The following FGFR2 variants were observed in gnomAD, a reference collection of about 807,000 sequenced individuals.
FGFR2 encodes the protein fibroblast growth factor receptor 2.
In FGFR2, 19 loss-of-function variants were observed where a neutral mutation model predicts 95.9. The ratio of observed to expected loss-of-function variants is 0.20; its 90% CI spans 0.14 to 0.29. The LOEUF is 0.29. Among genes scored for constraint, FGFR2 ranks in the 10% least tolerant of loss-of-function variants. The pLI, the probability that FGFR2 is intolerant of heterozygous loss-of-function variation, is 1.00. For synonymous variants in FGFR2, 392 were observed against 393.3 expected, an observed-to-expected ratio of 1.00 and a Z score of 0.04; for missense variants, 707 against 1,056.9, an observed-to-expected ratio of 0.67 and a Z score of 4.59.
chr10:121,583,970 A>G (rs997421586), intron 2 of FGFR2, among the ~76,000 whole-genome samples: 2 of 152,032 alleles, frequency 1.3e-5, no homozygotes, highest in African/African-American at 4.8e-5. Context: ...ATGTTAAAGT[A>G]CCTAGCACAG....
In FGFR2 at chr10:121,596,658, AAC is replaced by A. The variant is rs547686207; in HGVS notation, c.-151+1302_-151+1303del. On this transcript the variant is annotated intron_variant, in intron 1 of 17. Coordinates refer to ENST00000358487, the MANE Select transcript of FGFR2 (RefSeq NM_000141.5). Reference sequence around the variant, plus strand: ...TCCTCAACAAATTGAAATCTCAAAAAACACACACTGACCCAGGACCACAAAGC... The same window carrying A: ...TCCTCAACAAATTGAAATCTCAAAAAACACACTGACCCAGGACCACAAAGC... 2.1e-4 allele frequency: 42 copies of A among 204,580 alleles called. 1 individual carries two copies. In the South Asian group the frequency reaches 7.3e-3, roughly 35 times the overall value. The allele number at this position is 204,580 out of a possible 1,614,324, so 12.7% of individuals were successfully genotyped here.
chr10:121,575,131 T>C (rs1245985609), intron 2 of FGFR2, among the ~76,000 whole-genome samples: 1 of 152,220 alleles, frequency 6.6e-6, no homozygotes, highest in African/African-American at 2.4e-5. Context: ...AAATTATATA[T>C]TTAGGCACAC....
At chr10:121,519,325 C>G (rs1850169234) in intron 7 of FGFR2, among the ~76,000 whole-genome samples, 1 of 152,106 alleles carries the variant, frequency 6.6e-6, no homozygotes, top group Non-Finnish European at 1.5e-5. Flanking sequence ...GAGGCAGATG[C>G]TATGAAAATG....
At chr10:121,494,852 C>A (rs1238073017) in intron 13 of FGFR2, among the ~76,000 whole-genome samples, 1 of 152,148 alleles carries the variant, frequency 6.6e-6, no homozygotes, top group Non-Finnish European at 1.5e-5. Context: ...CCACCCCCGG[C>A]AAATTCAACA....
At chr10:121,493,781 C>T (rs940814771) in intron 13 of FGFR2, among the ~76,000 whole-genome samples, 2 of 152,040 alleles carry the variant, frequency 1.3e-5, no homozygotes, top group Non-Finnish European at 2.9e-5. Context: ...TCATTATCTC[C>T]CCTTGGATGA....
intron 2 of FGFR2, among the ~76,000 whole-genome samples, chr10:121,577,258 A>G (rs1365131906): frequency 7.0e-6 from 1 of 143,560 alleles, no homozygotes; most frequent in African/African-American, 2.6e-5. Flanking sequence ...TACAAATCGT[A>G]TGACCTTGAG....
chr10:121,582,237 T>A (rs1302943482), intron 2 of FGFR2, among the ~76,000 whole-genome samples: 2 of 152,098 alleles, frequency 1.3e-5, no homozygotes, highest in Non-Finnish European at 2.9e-5. Context: ...GTCCTAGCCC[T>A]TCATTTTTGC....
intron 6 of FGFR2, among the ~76,000 whole-genome samples, chr10:121,535,962 T>A (rs548031642): frequency 3.9e-5 from 6 of 152,192 alleles, no homozygotes; most frequent in African/African-American, 1.4e-4. Context: ...CTATGTATCA[T>A]AGAAACAAAA....
At chr10:121,547,458 A>G (rs931999611) in intron 5 of FGFR2, among the ~76,000 whole-genome samples, 1 of 150,358 alleles carries the variant, frequency 6.7e-6, no homozygotes, top group South Asian at 2.1e-4. Flanking sequence ...GCAGAGGCAT[A>G]ATCACAGCTC....
intron 9 of FGFR2, among the ~76,000 whole-genome samples, chr10:121,507,973 A>G (rs1487664779): frequency 6.6e-6 from 1 of 152,234 alleles, no homozygotes; most frequent in Non-Finnish European, 1.5e-5. Flanking sequence ...ATAAAAAACA[A>G]TACAGTATAA....
intron 9 of FGFR2, 68 bp downstream of exon 9, chr10:121,515,049 G>A (rs1589820444): frequency 6.8e-7 from 1 of 1,469,058 alleles, no homozygotes; most frequent in South Asian, 1.2e-5. Flanking sequence ...CAAAGCAGAG[G>A]ACAAGATCCA....
At chr10:121,533,346 T>A (rs1009048622) in intron 6 of FGFR2, among the ~76,000 whole-genome samples, 2 of 152,140 alleles carry the variant, frequency 1.3e-5, no homozygotes, top group Non-Finnish European at 2.9e-5. Flanking sequence ...GCCAAGATCA[T>A]GCCACTGTAC....
chr10:121,591,102 T>C (rs1306023176), intron 2 of FGFR2, among the ~76,000 whole-genome samples: 3 of 152,290 alleles, frequency 2.0e-5, no homozygotes, highest in Non-Finnish European at 2.9e-5. Context: ...TTCTCATCTA[T>C]AATTCAATGA....
intron 17 of FGFR2, chr10:121,480,238 A>C: frequency 1.5e-6 from 1 of 664,908 alleles, no homozygotes; most frequent in Non-Finnish European, 2.7e-6. Context: ...GACTTCCACG[A>C]AGACCTCCCT....
At chr10:121,480,304 A>G in intron 17 of FGFR2, 1 of 493,338 alleles carries the variant, frequency 2.0e-6, no homozygotes, top group South Asian at 2.0e-5. Context: ...GGAATCCATC[A>G]TAAATCAACT....
At chr10:121,522,613 A>G (rs181382627) in intron 6 of FGFR2, among the ~76,000 whole-genome samples, 2 of 152,316 alleles carry the variant, frequency 1.3e-5, no homozygotes, top group East Asian at 3.9e-4. Context: ...TTCTTGCAAC[A>G]ATAAAATGAA....
chr10:121,555,351 C>T (rs376337329), intron 4 of FGFR2, among the ~76,000 whole-genome samples: 7 of 149,202 alleles, frequency 4.7e-5, no homozygotes, highest in African/African-American at 1.5e-4. Context: ...CCAGCCTGGG[C>T]GACAAGAGCA....
intron 2 of FGFR2, among the ~76,000 whole-genome samples, chr10:121,590,830 G>A (rs1489032581): frequency 6.6e-6 from 1 of 152,184 alleles, no homozygotes; most frequent in Middle Eastern, 3.2e-3. Context: ...TCTAAACTGA[G>A]CTTCCAAATA....
At chr10:121,527,493 T>C (rs1370876189) in intron 6 of FGFR2, among the ~76,000 whole-genome samples, 2 of 152,196 alleles carry the variant, frequency 1.3e-5, no homozygotes, top group Admixed American at 1.3e-4. Context: ...TGAACAATAA[T>C]GATAATTGCA....
Sources: gnomAD v4.1 joint callset for allele counts (sites outside exome capture counted in the v4.1 genomes callset) on GRCh38, gnomAD v4.1.1 for gene constraint, MANE v1.5 for transcripts, NCBI Gene and HGNC (gene_info 2026-07-23, HGNC 2026-07-21) for gene names.